BCL2L14: variants seen among roughly 807,000 people sequenced by gnomAD.
BCL2L14 encodes BCL2 like 14, also known as apoptosis facilitator Bcl-2-like protein 14.
In BCL2L14, 27 loss-of-function variants were observed where a neutral mutation model predicts 35.3. That is an observed-to-expected ratio of 0.76 (90% CI 0.56 to 1.05). The LOEUF (loss-of-function observed/expected upper bound fraction) is 1.05, where lower values mean the gene tolerates loss of function less well. BCL2L14 is among the 50% of genes least tolerant of loss of function. The pLI is 0.00. For synonymous variants in BCL2L14, 139 were observed against 145.9 expected (o/e 0.95, Z 0.34); for missense variants, 377 against 382.6 (o/e 0.99, Z 0.12).
chr12:12,091,641 G>C lies in BCL2L14; in HGVS notation c.678+792G>C, dbSNP rs145334767. Among the ~76,000 whole-genome samples, 12 of 152,214 alleles carry C rather than the reference G, an allele frequency of 7.9e-5. 1 individual carries two copies. Among genetic ancestry groups the C allele is most frequent in the Admixed American group, 2.0e-4 (3 of 15,286 alleles). On this transcript the variant is annotated intron_variant, in intron 4 of 5. Transcript: ENST00000308721. The stretch of plus-strand genomic sequence containing the variant: ...GGAAGACAAACAGCTCCTGTCTATA[G>C]CTTTGTCAAAAGTGTGCCCAGAGGC...
At chr12:12,096,005 T>C in intron 5 of BCL2L14, 1 of 985,398 alleles carries the variant, frequency 1.0e-6, no homozygotes, top group Non-Finnish European at 1.2e-6. Flanking sequence ...CTCAACATTA[T>C]TTTAGTTCTA....
chr12:12,080,173 C>G (rs1483346161), intron 2 of BCL2L14, among the ~76,000 whole-genome samples: 1 of 151,238 alleles, frequency 6.6e-6, no homozygotes, highest in East Asian at 2.0e-4. Context: ...TCACTGCACT[C>G]CAGCTTGGGT....
chr12:12,091,564 G>A (rs1291677503), intron 4 of BCL2L14, among the ~76,000 whole-genome samples: 1 of 152,176 alleles, frequency 6.6e-6, no homozygotes, highest in African/African-American at 2.4e-5. Flanking sequence ...TGTTTTTCCA[G>A]AATCTGTGGG....
At chr12:12,053,380 A>G (rs956352495) in intron 2 of BCL2L14, among the ~76,000 whole-genome samples, 4 of 151,406 alleles carry the variant, frequency 2.6e-5, no homozygotes, top group Non-Finnish European at 5.9e-5. Context: ...GACACAATCT[A>G]TACCAGGACA....
chr12:12,057,947 CTTTTT>C (rs71057796), intron 2 of BCL2L14, among the ~76,000 whole-genome samples: 5 of 139,730 alleles, frequency 3.6e-5, no homozygotes, highest in South Asian at 2.2e-4. Context: ...GTGTGTTTGT[CTTTTT>C]TTTTTTTTTT....
chr12:12,074,401 T>C (rs944513123), intron 1 of BCL2L14, among the ~76,000 whole-genome samples: 2 of 152,224 alleles, frequency 1.3e-5, no homozygotes, highest in Non-Finnish European at 2.9e-5. Context: ...TTTATATACA[T>C]GTACACTATA....
At chr12:12,081,323 C>T (rs1948919204) in intron 2 of BCL2L14, among the ~76,000 whole-genome samples, 1 of 151,742 alleles carries the variant, frequency 6.6e-6, no homozygotes, top group African/African-American at 2.4e-5. Context: ...GGCATGGTGG[C>T]ACATGCCTGT....
intron 2 of BCL2L14, chr12:12,055,749 A>T (rs1255823726): frequency 1.3e-5 from 2 of 152,216 alleles, no homozygotes; most frequent in African/African-American, 4.8e-5. Context: ...TGTTGTTGAG[A>T]ATAAACCAGA....
At chr12:12,092,954 C>T (rs1166603779) in intron 4 of BCL2L14, among the ~76,000 whole-genome samples, 1 of 152,186 alleles carries the variant, frequency 6.6e-6, no homozygotes, top group Non-Finnish European at 1.5e-5. Context: ...AATATTTTGT[C>T]CCTGCTCACT....
chr12:12,066,039 C>T (rs779834648), upstream of BCL2L14, among the ~76,000 whole-genome samples: 13 of 152,184 alleles, frequency 8.5e-5, no homozygotes, highest in Admixed American at 1.3e-4. Context: ...GATCCACCCA[C>T]CTCGGCCTCC....
intron 4 of BCL2L14, among the ~76,000 whole-genome samples, chr12:12,091,174 C>T (rs1949181500): frequency 6.6e-6 from 1 of 152,194 alleles, no homozygotes; most frequent in African/African-American, 2.4e-5. Context: ...TGTAACTGAT[C>T]CTCATTGAAG....
chr12:12,056,663 A>T (rs1306194518), intron 2 of BCL2L14, among the ~76,000 whole-genome samples: 1 of 152,098 alleles, frequency 6.6e-6, no homozygotes, highest in Non-Finnish European at 1.5e-5. Context: ...GTGAAACCCC[A>T]TCTCTACTAA....
At chr12:12,097,940 A>G (rs1949351591) in intron 5 of BCL2L14, among the ~76,000 whole-genome samples, 1 of 152,246 alleles carries the variant, frequency 6.6e-6, no homozygotes, top group South Asian at 2.1e-4. Context: ...AAGTTATCAT[A>G]AACCTTAATC....
chr12:12,071,647 A>T (rs1395212191), intron 1 of BCL2L14: 1 of 152,060 alleles, frequency 6.6e-6, no homozygotes, highest in East Asian at 1.9e-4. Flanking sequence ...CCTTGAGTCT[A>T]AGGCACAGGT....
intron 2 of BCL2L14, among the ~76,000 whole-genome samples, chr12:12,082,869 T>C (rs755966301): frequency 2.6e-5 from 4 of 152,212 alleles, no homozygotes; most frequent in East Asian, 1.9e-4. Flanking sequence ...CGGTTTTACA[T>C]TGAGCGTGAT....
chr12:12,059,640 T>C (rs1377523338), intron 2 of BCL2L14, among the ~76,000 whole-genome samples: 1 of 151,842 alleles, frequency 6.6e-6, no homozygotes, highest in African/African-American at 2.4e-5. Context: ...GTCTCTACTC[T>C]TTTCTCTGGG....
At chr12:12,067,448 G>C (rs1304079044), upstream of BCL2L14, among the ~76,000 whole-genome samples, 1 of 152,040 alleles carries the variant, frequency 6.6e-6, no homozygotes, top group Non-Finnish European at 1.5e-5. Flanking sequence ...CTACTCTGGA[G>C]ACTGAGGTGG....
At chr12:12,089,762 G>A (rs945612368) in intron 3 of BCL2L14, among the ~76,000 whole-genome samples, 6 of 152,128 alleles carry the variant, frequency 3.9e-5, no homozygotes, top group African/African-American at 1.2e-4. Flanking sequence ...CTATCCATCT[G>A]CCCTTTTAGC....
At chr12:12,098,826 C>A in intron 5 of BCL2L14, 124 bp from the exon 6 acceptor site, 1 of 742,810 alleles carries the variant, frequency 1.3e-6, no homozygotes, top group East Asian at 2.7e-5. Flanking sequence ...AAACCCTCCC[C>A]CAAACTAACA....
Sources: gnomAD v4.1 joint callset for allele counts (sites outside exome capture counted in the v4.1 genomes callset) on GRCh38, gnomAD v4.1.1 for gene constraint, MANE v1.5 for transcripts, NCBI Gene and HGNC (gene_info 2026-07-23, HGNC 2026-07-21) for gene names.